PEAK1: variants seen among roughly 807,000 people sequenced by gnomAD.
The protein encoded by PEAK1 is inactive tyrosine-protein kinase PEAK1.
A neutral mutation model predicts 124.7 loss-of-function variants in PEAK1; 54 were observed. The observed-to-expected ratio is 0.43, with a 90% CI of 0.35 to 0.54. The LOEUF (loss-of-function observed/expected upper bound fraction) is 0.54. PEAK1 is among the 20% of genes least tolerant of loss of function. PEAK1 has a pLI of 0.01. For missense variants in PEAK1, 2,046 were observed against 2,134.5 expected, an observed-to-expected ratio of 0.96 and a Z score of 0.82; for synonymous variants, 719 against 760.0, an observed-to-expected ratio of 0.95 and a Z score of 0.89.
chr15:77,133,835 G>C lies in PEAK1; in HGVS notation c.3332-85C>G, dbSNP rs2053091687. ...ATAACTGAAACTTGAGCAGAAATGA[G>C]TGAGGTAGCCATGGGAATGTAAGAA... On this transcript the variant is annotated intron_variant, in intron 8 of 9. Transcript: ENST00000682557. This position sits in a 1 kb window ranked among gnomAD's most constrained non-coding sequence, Gnocchi z 4.2. The C allele has an allele frequency of 2.9e-6, 4 of 1,389,064 alleles. No individual in the cohort carries two copies. The highest frequency in any genetic ancestry group is 3.8e-6 in the Non-Finnish European group (4 of 1,047,600). 86.0% of individuals were successfully genotyped at this position (1,389,064 alleles called of 1,614,324 possible). A position where few individuals can be genotyped will look rare whatever the true frequency, so the allele number is the denominator to read the frequency against.
chr15:77,104,378 G>A (rs1334141016), downstream of PEAK1: 1 of 152,560 alleles, frequency 6.6e-6, no homozygotes, highest in Non-Finnish European at 1.5e-5. Context: ...CACGAGAAGG[G>A]AGGTGCACAC....
chr15:77,120,740 G>A lies in PEAK1; in HGVS notation c.4078-5421C>T, dbSNP rs150889013. ...TTCCTCCTTATTTAAATTTCCTAGC[G>A]GCTCCGCTTTATCCTCATAGGAGAA... On this transcript the variant is annotated intron_variant, in intron 9 of 9. Coordinates refer to ENST00000682557, the MANE Select transcript of PEAK1 (RefSeq NM_001385026.1). 2.0e-3 allele frequency among the ~76,000 whole-genome samples: 309 copies of A among 152,234 alleles called. 1 individual carries two copies. The highest frequency in any genetic ancestry group is 7.2e-3 in the African/African-American group (300 of 41,540).
At chr15:77,322,717 C>G (rs985228912) in intron 2 of PEAK1, among the ~76,000 whole-genome samples, 1 of 152,162 alleles carries the variant, frequency 6.6e-6, no homozygotes, top group African/African-American at 2.4e-5. Flanking sequence ...GGAGCTGGTA[C>G]CATTCCTTCT....
chr15:77,393,052 G>A (rs1344127458), intron 1 of PEAK1, among the ~76,000 whole-genome samples: 1 of 152,178 alleles, frequency 6.6e-6, no homozygotes, highest in Non-Finnish European at 1.5e-5. Context: ...GAACTCAGCT[G>A]GTGCCCACAG....
At chr15:77,420,196 C>T (rs926446297), upstream of PEAK1, 4 of 150,080 alleles carry the variant, frequency 2.7e-5, no homozygotes, top group Non-Finnish European at 5.9e-5. Flanking sequence ...TGCCCGCCTC[C>T]TCTCGGCCCC....
At chr15:77,262,598 G>A (rs1039131993) in intron 5 of PEAK1, among the ~76,000 whole-genome samples, 26 of 138,128 alleles carry the variant, frequency 1.9e-4, no homozygotes, top group Non-Finnish European at 2.8e-4. Flanking sequence ...GGAGCACCCA[G>A]ATTCATAAAG....
At chr15:77,239,846 C>G (rs1417998157) in intron 6 of PEAK1, 5 of 985,060 alleles carry the variant, frequency 5.1e-6, no homozygotes, top group Admixed American at 6.1e-5. Flanking sequence ...TAGGAAATCA[C>G]ACAACTGCTC....
chr15:77,129,243 C>G (rs1369833235), intron 9 of PEAK1, among the ~76,000 whole-genome samples: 4 of 152,196 alleles, frequency 2.6e-5, no homozygotes, highest in Non-Finnish European at 5.9e-5. Flanking sequence ...AAGTTGGAAC[C>G]ATGAACTTGA....
At chr15:77,366,545 A>G (rs185320176) in intron 1 of PEAK1, among the ~76,000 whole-genome samples, 28 of 152,046 alleles carry the variant, frequency 1.8e-4, no homozygotes, top group Admixed American at 5.9e-4. Flanking sequence ...TTAAATTGGT[A>G]AATTTGTTTT....
chr15:77,235,439 A>C (rs763092981), intron 6 of PEAK1, among the ~76,000 whole-genome samples: 5 of 152,194 alleles, frequency 3.3e-5, no homozygotes, highest in African/African-American at 4.8e-5. Context: ...AACTGCAGCA[A>C]AGGTGACTCT....
In PEAK1 at chr15:77,311,492, A is replaced by G. The variant is rs1261553949; in HGVS notation, c.-602-24988T>C. Among the ~76,000 whole-genome samples the G allele has an allele frequency of 2.0e-5, 3 of 152,062 alleles. No homozygotes were observed. The East Asian group carries it at 5.8e-4, about 29-fold the overall frequency. ...GGAGTTCAAGTCTAGCCTGGCCAAC[A>G]TGGCAAAACCCTGTCTCTACTAAAA... On this transcript the variant is annotated intron_variant, in intron 2 of 9. Transcript: ENST00000682557.
chr15:77,285,736 T>C (rs1216588118), intron 3 of PEAK1, among the ~76,000 whole-genome samples: 1 of 152,174 alleles, frequency 6.6e-6, no homozygotes, highest in Non-Finnish European at 1.5e-5. Flanking sequence ...ATTGCATCTA[T>C]TTGATTCTTC....
chr15:77,371,344 T>C (rs1398680760), intron 1 of PEAK1: 2 of 912,752 alleles, frequency 2.2e-6, no homozygotes, highest in Non-Finnish European at 2.6e-6. Context: ...TTATGCAGTA[T>C]AATAGAAAGT....
chr15:77,118,279 A>G (rs889137057), intron 9 of PEAK1, among the ~76,000 whole-genome samples: 3 of 152,190 alleles, frequency 2.0e-5, no homozygotes, highest in African/African-American at 7.2e-5. Context: ...ACCAATGGAG[A>G]TTTCCATAAT....
chr15:77,380,200 C>T (rs1349974471), intron 1 of PEAK1, among the ~76,000 whole-genome samples: 2 of 152,092 alleles, frequency 1.3e-5, no homozygotes, highest in Non-Finnish European at 2.9e-5. Flanking sequence ...GAGCTAGAAT[C>T]GGTCAATAGC....
chr15:77,274,286 A>G (rs2062191929), intron 5 of PEAK1, among the ~76,000 whole-genome samples: 1 of 152,134 alleles, frequency 6.6e-6, no homozygotes. Flanking sequence ...GAACTTAATT[A>G]AACGAAAAAG....
At chr15:77,171,993 T>C (rs922530272) in intron 7 of PEAK1, among the ~76,000 whole-genome samples, 2 of 152,184 alleles carry the variant, frequency 1.3e-5, no homozygotes, top group African/African-American at 4.8e-5. Context: ...ATGAAAAATA[T>C]CTGGTCTCAC....
chr15:77,403,277 T>C (rs2071530572), intron 1 of PEAK1: 1 of 983,696 alleles, frequency 1.0e-6, no homozygotes, highest in Non-Finnish European at 1.2e-6. Flanking sequence ...TTTCAAATTG[T>C]TTACTCTGAA....
rs986290609 is a variant in PEAK1, at chr15:77,114,652, A to G, written c.4745T>C (p.Ile1582Thr). The G allele has an allele frequency of 3.1e-6, 5 of 1,613,620 alleles. No individual in the cohort carries two copies. The African/African-American group carries it at 5.3e-5, about 17-fold the overall frequency. ...RDQSRLAPEI[I>T]TATQYKKCDE... ...ACACTTTTTATACTGGGTAGCTGTT[A>G]TGATCTCTGGGGCAAGGCGAGACTG... Residue 1582 changes from isoleucine to threonine, a missense_variant, in exon 10 of 10, where the codon ATA becomes ACA. Ile to Thr is a moderately conservative substitution (Grantham distance 89). Coordinates refer to ENST00000682557, the MANE Select transcript of PEAK1 (RefSeq NM_001385026.1).
Sources: allele counts gnomAD v4.1 joint callset (sites outside exome capture counted in the v4.1 genomes callset), GRCh38; gene constraint gnomAD v4.1.1; non-coding constraint Gnocchi (gnomAD v3.1); transcripts MANE v1.5; gene names NCBI Gene and HGNC (gene_info 2026-07-23, HGNC 2026-07-21).